The following PALM2AKAP2 variants were observed in gnomAD, a reference collection of about 807,000 sequenced individuals.
PALM2AKAP2 encodes PALM2 and AKAP2 fusion.
PALM2AKAP2 carries 37 observed loss-of-function variants against 71.5 expected under a neutral mutation model. That is an observed-to-expected ratio of 0.52 (90% CI 0.40 to 0.68). The LOEUF (loss-of-function observed/expected upper bound fraction) is 0.68. Ranked by LOEUF, PALM2AKAP2 falls within the 30% of genes least tolerant of loss-of-function variation. The pLI is 0.00. For missense variants in PALM2AKAP2, 1,224 were observed against 1,191.8 expected, an observed-to-expected ratio of 1.03 and a Z score of -0.40; for synonymous variants, 468 against 478.8, an observed-to-expected ratio of 0.98 and a Z score of 0.29.
intron 6 of PALM2AKAP2, among the ~76,000 whole-genome samples, chr9:109,982,193 A>G (rs1832284035): frequency 6.6e-6 from 1 of 152,270 alleles, no homozygotes; most frequent in African/African-American, 2.4e-5. Context: ...GAAATAAGCT[A>G]GTCATAGAAA....
At chr9:109,852,732 G>A (rs1178733782) in intron 1 of PALM2AKAP2, among the ~76,000 whole-genome samples, 3 of 152,190 alleles carry the variant, frequency 2.0e-5, no homozygotes, top group African/African-American at 7.2e-5. Flanking sequence ...CATTCTGACT[G>A]GAGTGAGTTG....
chr9:109,964,859 G>A (rs1170613219), intron 6 of PALM2AKAP2, among the ~76,000 whole-genome samples: 1 of 152,174 alleles, frequency 6.6e-6, no homozygotes, highest in Admixed American at 6.5e-5. Flanking sequence ...GATATGTTCA[G>A]GACCTAATTA....
At chr9:110,050,116 G>A (rs1282426782) in intron 1 of PALM2AKAP2, among the ~76,000 whole-genome samples, 1 of 152,194 alleles carries the variant, frequency 6.6e-6, no homozygotes, top group African/African-American at 2.4e-5. Flanking sequence ...AGGTGATTTG[G>A]GAAGACTTCC....
intron 1 of PALM2AKAP2, among the ~76,000 whole-genome samples, chr9:109,749,025 C>T (rs993181872): frequency 6.6e-5 from 10 of 152,184 alleles, no homozygotes; most frequent in Admixed American, 3.9e-4. Flanking sequence ...TTCTGAGATA[C>T]TGGGGATAAG....
intron 1 of PALM2AKAP2, among the ~76,000 whole-genome samples, chr9:109,800,378 G>A (rs1236884029): frequency 1.3e-5 from 2 of 152,202 alleles, no homozygotes; most frequent in Admixed American, 1.3e-4. Flanking sequence ...TCTTATCACT[G>A]TTTTAACAGA....
chr9:109,778,669 A>G (rs1244590087), upstream of PALM2AKAP2, among the ~76,000 whole-genome samples: 2 of 152,166 alleles, frequency 1.3e-5, no homozygotes, highest in African/African-American at 2.4e-5. Flanking sequence ...GTAATTGTTC[A>G]TCAGTGACAG....
intron 1 of PALM2AKAP2, among the ~76,000 whole-genome samples, chr9:109,795,043 C>T (rs547188284): frequency 1.5e-4 from 23 of 152,320 alleles, no homozygotes; most frequent in Middle Eastern, 6.8e-3. Context: ...GAAGCCAACC[C>T]TATAGTGTAA....
intron 1 of PALM2AKAP2, among the ~76,000 whole-genome samples, chr9:109,850,754 T>C (rs1287367901): frequency 6.6e-6 from 1 of 152,198 alleles, no homozygotes; most frequent in Non-Finnish European, 1.5e-5. Flanking sequence ...TAACAAAATT[T>C]ACCAAATAGT....
At chr9:109,903,865 A>G (rs961752272) in intron 3 of PALM2AKAP2, among the ~76,000 whole-genome samples, 3 of 152,108 alleles carry the variant, frequency 2.0e-5, no homozygotes, top group Admixed American at 1.3e-4. Flanking sequence ...CTTGAAGCCA[A>G]TAATCAACAC....
At chr9:109,960,438 C>T (rs1044507625) in intron 6 of PALM2AKAP2, among the ~76,000 whole-genome samples, 1 of 152,182 alleles carries the variant, frequency 6.6e-6, no homozygotes, top group African/African-American at 2.4e-5. Context: ...GACTTTCACC[C>T]TGAGACACAG....
chr9:109,683,174 G>A (rs2118523794), intron 1 of PALM2AKAP2, among the ~76,000 whole-genome samples: 1 of 152,306 alleles, frequency 6.6e-6, no homozygotes, highest in Admixed American at 6.5e-5. Context: ...CTCCCCAGAA[G>A]CCGAGCAGAT....
chr9:109,647,726 C>T (rs1381846631), intron 1 of PALM2AKAP2, among the ~76,000 whole-genome samples: 1 of 152,160 alleles, frequency 6.6e-6, no homozygotes, highest in African/African-American at 2.4e-5. Flanking sequence ...TCTCAGAGAG[C>T]CCTAGTAAGC....
chr9:110,062,498 T>C (rs1001594680), intron 1 of PALM2AKAP2, among the ~76,000 whole-genome samples: 1 of 152,216 alleles, frequency 6.6e-6, no homozygotes, highest in Non-Finnish European at 1.5e-5. Flanking sequence ...AAAACTTATG[T>C]AAATTAATTT....
intron 1 of PALM2AKAP2, among the ~76,000 whole-genome samples, chr9:109,711,897 T>C (rs1377912396): frequency 1.3e-5 from 2 of 152,176 alleles, no homozygotes; most frequent in Non-Finnish European, 2.9e-5. Context: ...ATGGCTTTTG[T>C]TATCTATCTA....
intron 2 of PALM2AKAP2, among the ~76,000 whole-genome samples, chr9:110,151,018 TA>T (rs374802713): frequency 1.3e-5 from 2 of 152,070 alleles, no homozygotes; most frequent in East Asian, 1.9e-4. Context: ...TTGGTGTAGT[TA>T]AAAAAAACAC....
intron 1 of PALM2AKAP2, among the ~76,000 whole-genome samples, chr9:109,771,452 G>A (rs1189727009): frequency 6.6e-6 from 1 of 152,142 alleles, no homozygotes; most frequent in Non-Finnish European, 1.5e-5. Flanking sequence ...ACCAAATACA[G>A]GGTAAAACTC....
intron 1 of PALM2AKAP2, among the ~76,000 whole-genome samples, chr9:109,670,229 A>T (rs185731077): frequency 1.3e-5 from 2 of 152,026 alleles, no homozygotes; most frequent in African/African-American, 2.4e-5. Flanking sequence ...TATTATGTCT[A>T]GTACCCATTA....
At chr9:110,145,015 G>A (rs1367917472) in intron 2 of PALM2AKAP2, among the ~76,000 whole-genome samples, 1 of 152,056 alleles carries the variant, frequency 6.6e-6, no homozygotes, top group Non-Finnish European at 1.5e-5. Context: ...TGCTCTATGA[G>A]GTATACAGTA....
At chr9:110,123,558 A>G (rs149546453) in intron 1 of PALM2AKAP2, among the ~76,000 whole-genome samples, 1 of 152,122 alleles carries the variant, frequency 6.6e-6, no homozygotes, top group South Asian at 2.1e-4. Context: ...ACTTGTGGAG[A>G]TGACTCAAGT....
Sources: allele counts gnomAD v4.1 joint callset (sites outside exome capture counted in the v4.1 genomes callset), GRCh38; gene constraint gnomAD v4.1.1; transcripts MANE v1.5; gene names NCBI Gene and HGNC (gene_info 2026-07-23, HGNC 2026-07-21).